NDUFS2: variants seen among roughly 807,000 people sequenced by gnomAD.
NDUFS2 encodes NADH dehydrogenase [ubiquinone] iron-sulfur protein 2, mitochondrial.
In NDUFS2, 38 loss-of-function variants were observed where a neutral mutation model predicts 69.6. The ratio of observed to expected loss-of-function variants is 0.55; its 90% CI spans 0.42 to 0.72. The LOEUF (loss-of-function observed/expected upper bound fraction) is 0.72, where lower values mean the gene tolerates loss of function less well. NDUFS2 is among the 30% of genes least tolerant of loss of function. NDUFS2 has a pLI of 0.00. For synonymous variants in NDUFS2, 194 were observed against 211.2 expected, an observed-to-expected ratio of 0.92 and a Z score of 0.70; for missense variants, 468 against 595.0, an observed-to-expected ratio of 0.79 and a Z score of 2.22.
Position 161,214,341 on chromosome 1 carries a change from A to G in NDUFS2, c.*148A>G. On this transcript the variant is annotated 3_prime_UTR_variant, in exon 14 of 14. Transcript: ENST00000676972. ...TGGCTGTCAGGCTTTCTGTGCATGTACTAAAAAAGGAGAAATTATAATAAA... is the reference window on the plus strand; with the variant it reads ...TGGCTGTCAGGCTTTCTGTGCATGTGCTAAAAAAGGAGAAATTATAATAAA... 1 of 800,246 alleles carries G rather than the reference A, an allele frequency of 1.2e-6. No homozygotes were observed. Among genetic ancestry groups the G allele is most frequent in the Non-Finnish European group, 2.1e-6 (1 of 479,670 alleles). 49.6% of individuals were successfully genotyped at this position (800,246 alleles called of 1,614,324 possible).
chr1:161,210,390 G>A lies in NDUFS2; in HGVS notation c.866+1G>A. The A allele has an allele frequency of 6.2e-7, 1 of 1,613,062 alleles. No homozygotes were observed. The highest frequency in any genetic ancestry group is 8.5e-7 in the Non-Finnish European group (1 of 1,179,062). On this transcript the variant is annotated splice_donor_variant, in intron 8 of 13. Transcript: ENST00000676972. LOFTEE classifies it high-confidence loss of function. ...AAGAAGCACTTAACTATGGTTTTAG[G>A]TGAGGGGAATACAACTTCTCTCCGT... is the stretch of plus-strand genomic sequence containing the variant.
rs777685133 is a variant in NDUFS2 at position 161,210,368 on chromosome 1, A to C, written c.845A>C (p.Glu282Ala). 9.9e-6 allele frequency: 16 copies of C among 1,613,884 alleles called. 1 individual carries two copies. In the South Asian group the frequency reaches 1.4e-4, roughly 14 times the overall value. ...GACATTGGGGTTGTAACAGCAGAAG[A>C]AGCACTTAACTATGGTTTTAGGTGA... ...TIDIGVVTAEEALNYGFSGVM... is the reference protein window; with the variant it reads ...TIDIGVVTAEAALNYGFSGVM... The change falls in exon 8 of 14, where the codon GAA becomes GCA. Residue 282 changes from glutamate to alanine, a missense_variant. Transcript: ENST00000676972.
Position 161,214,288 on chromosome 1 carries a change from T to G in NDUFS2, c.*95T>G. On this transcript the variant is annotated 3_prime_UTR_variant, in exon 14 of 14. Coordinates refer to ENST00000676972, the MANE Select transcript of NDUFS2 (RefSeq NM_001377299.1). ...TGGCCTCTGTGTGTGTGTGTGTGTG[T>G]GTGTGTGTGTGTATGTTCATGTACA... The G allele has an allele frequency of 2.7e-6, 3 of 1,130,430 alleles. No homozygotes were observed. The highest frequency in any genetic ancestry group is 4.0e-6 in the Non-Finnish European group (3 of 751,466). The allele number at this position is 1,130,430 out of a possible 1,614,324, so 70.0% of individuals were successfully genotyped here.
chr1:161,198,626 A>C, upstream of NDUFS2: 2 of 1,515,158 alleles, frequency 1.3e-6, no homozygotes, highest in South Asian at 2.6e-5. This position sits in a 1 kb window ranked among gnomAD's most constrained non-coding sequence, Gnocchi z 4.7. Context: ...TGTCTGGGAC[A>C]TGGCACTGGT....
intron 6 of NDUFS2, 72 bp from the exon 7 acceptor site, chr1:161,210,039 G>T: frequency 6.3e-7 from 1 of 1,590,468 alleles, no homozygotes; most frequent in South Asian, 1.1e-5. Flanking sequence ...ATCGCTGGGG[G>T]AGGGGGTGCT....
upstream of NDUFS2, chr1:161,197,937 T>A: frequency 6.6e-7 from 1 of 1,508,808 alleles, no homozygotes. Flanking sequence ...TGAATAGGGG[T>A]CAGTAGGACA....
intron 6 of NDUFS2, 21 bp from the exon 7 acceptor site, chr1:161,210,090 G>A: frequency 6.2e-7 from 1 of 1,611,426 alleles, no homozygotes; most frequent in Non-Finnish European, 8.5e-7. Flanking sequence ...ACATTCAGTA[G>A]CACTTCCGTT....
upstream of NDUFS2, chr1:161,198,447 T>A: frequency 6.3e-7 from 1 of 1,580,038 alleles, no homozygotes; most frequent in Middle Eastern, 1.7e-4. The surrounding 1 kb of genome is among the most constrained non-coding windows in gnomAD (Gnocchi z 4.7). Flanking sequence ...GGAAACACGA[T>A]CTCCTCCTCC....
chr1:161,203,407 T>C, intron 1 of NDUFS2, 30 bp from the exon 2 acceptor site: 7 of 1,591,062 alleles, frequency 4.4e-6, no homozygotes, highest in Non-Finnish European at 5.2e-6. Context: ...GTTCAGGCCC[T>C]TTGTCTAGGA....
chr1:161,205,755 A>G (rs1167405674), intron 2 of NDUFS2, among the ~76,000 whole-genome samples: 2 of 149,914 alleles, frequency 1.3e-5, no homozygotes. Context: ...GTGCAGAGTG[A>G]GACTCTGTCT....
chr1:161,199,703 C>T (rs1261778369), upstream of NDUFS2, among the ~76,000 whole-genome samples: 3 of 152,018 alleles, frequency 2.0e-5, no homozygotes, highest in East Asian at 5.8e-4. Context: ...ATAACAGAGG[C>T]GGCAGATGAC....
At chr1:161,213,148 C>T (rs1405396762) in intron 10 of NDUFS2, 1 of 446,176 alleles carries the variant, frequency 2.2e-6, no homozygotes, top group Non-Finnish European at 4.2e-6. Flanking sequence ...CTTGATCTGC[C>T]CACCTCAGCC....
In NDUFS2 at chr1:161,213,377, C is replaced by A. The variant is rs1299561188; in HGVS notation, c.1117-3C>A. 2.5e-6 allele frequency: 4 copies of A among 1,604,316 alleles called. No individual in the cohort carries two copies. The highest frequency in any genetic ancestry group is 3.4e-6 in the Non-Finnish European group (4 of 1,172,970). On this transcript the variant is annotated splice_region_variant and splice_polypyrimidine_tract_variant and intron_variant, in intron 10 of 13. Transcript: ENST00000676972. ...ATTGATGCTCCCTGTTTCCTCTCTT[C>A]AGACTTCCATGGAGTCACTGATTCA... is the stretch of plus-strand genomic sequence containing the variant.
At chr1:161,204,073 C>T (rs1033647436) in intron 2 of NDUFS2, among the ~76,000 whole-genome samples, 1 of 152,198 alleles carries the variant, frequency 6.6e-6, no homozygotes, top group African/African-American at 2.4e-5. Context: ...GAATGGGTCC[C>T]AGTAAATACC....
chr1:161,210,521 G>T (rs1428176562), intron 8 of NDUFS2, 70 bp from the exon 9 acceptor site: 2 of 1,610,566 alleles, frequency 1.2e-6, no homozygotes, highest in African/African-American at 2.7e-5. Flanking sequence ...AACAAGGGAG[G>T]CTAAGGAAGA....
Position 161,209,906 on chromosome 1 carries a change from A to G in NDUFS2, c.677A>G (p.Tyr226Cys). 6.2e-7 allele frequency: 1 copy of G among 1,614,072 alleles called. No individual in the cohort carries two copies. Among genetic ancestry groups the G allele is most frequent in the Non-Finnish European group, 8.5e-7 (1 of 1,180,020 alleles). The change falls in exon 6 of 14, where the codon TAT becomes TGT. Residue 226 changes from tyrosine to cysteine, a missense_variant. Physicochemically the swap from Tyr to Cys is radical, Grantham distance 194 (BLOSUM62 -2). Around this residue, in one of 3 missense-constraint regions of NDUFS2, gnomAD observed 339 missense variants for 433.8 expected, o/e 0.78. Coordinates refer to ENST00000676972, the MANE Select transcript of NDUFS2 (RefSeq NM_001377299.1). ...RVSGARMHAAYIRPGGVHQDL... is the reference protein window; with the variant it reads ...RVSGARMHAACIRPGGVHQDL... The stretch of plus-strand genomic sequence containing the variant: ...TCTGGAGCCCGAATGCATGCTGCTT[A>G]TATCCGGCCAGGAGGAGTGCACCAG...
At chr1:161,199,710 T>C (rs1665033960), upstream of NDUFS2, among the ~76,000 whole-genome samples, 1 of 151,990 alleles carries the variant, frequency 6.6e-6, no homozygotes. Flanking sequence ...AGGCGGCAGA[T>C]GACAAGGCAG....
upstream of NDUFS2, chr1:161,198,476 A>G: frequency 6.4e-7 from 1 of 1,568,748 alleles, no homozygotes; most frequent in Non-Finnish European, 8.6e-7. The surrounding 1 kb of genome is among the most constrained non-coding windows in gnomAD (Gnocchi z 4.7). Context: ...GGGGCTGGCC[A>G]GCCGGGCTGA....
rs1240711993 is a variant in NDUFS2, at chr1:161,210,150, T to C, written c.742T>C (p.Ser248Pro). The change falls in exon 7 of 14, where the codon TCT (serine) becomes CCT (proline). Residue 248 changes from serine to proline, a missense_variant. Transcript: ENST00000676972. ...LGLMDDIYQF[S>P]KNFSLRLDEL... Reference sequence around the variant, plus strand: ...GCTTATGGATGACATTTATCAGTTTTCTAAGAACTTCTCTCTTCGGCTTGA... The same window carrying C: ...GCTTATGGATGACATTTATCAGTTTCCTAAGAACTTCTCTCTTCGGCTTGA... 6.2e-7 allele frequency: 1 copy of C among 1,614,076 alleles called. No homozygotes were observed. Among genetic ancestry groups the C allele is most frequent in the Non-Finnish European group, 8.5e-7 (1 of 1,180,052 alleles).
Sources: allele counts gnomAD v4.1 joint callset (sites outside exome capture counted in the v4.1 genomes callset), GRCh38; gene constraint gnomAD v4.1.1; regional missense constraint gnomAD v4.1.1; non-coding constraint Gnocchi (gnomAD v3.1); transcripts MANE v1.5; gene names NCBI Gene and HGNC (gene_info 2026-07-23, HGNC 2026-07-21).